Variants in KLHL1 observed in about 807,000 individuals in gnomAD.
The protein encoded by KLHL1 is kelch like family member 1.
Under a neutral mutation model 77.7 loss-of-function variants are expected in KLHL1, and 47 were observed. That is an observed-to-expected ratio of 0.60 (90% confidence interval 0.48 to 0.77). KLHL1 has a LOEUF of 0.77. Among genes scored for constraint, KLHL1 ranks in the 30% least tolerant of loss-of-function variants. The probability of loss-of-function intolerance (pLI) is 0.00; values close to 1 mark genes in which losing one functional copy is unlikely to be tolerated. For synonymous variants in KLHL1, 360 were observed against 325.2 expected (o/e 1.11, Z -1.15); for missense variants, 925 against 910.8 (o/e 1.02, Z -0.20).
At chr13:69,830,546 A>C (rs1393036571) in intron 6 of KLHL1, among the ~76,000 whole-genome samples, 2 of 150,248 alleles carry the variant, frequency 1.3e-5, no homozygotes, top group African/African-American at 5.0e-5. Flanking sequence ...TCATCAAGAC[A>C]GAAAGTCAAC....
chr13:70,100,916 C>T (rs141470670), intron 1 of KLHL1, among the ~76,000 whole-genome samples: 2 of 152,172 alleles, frequency 1.3e-5, no homozygotes, highest in East Asian at 1.9e-4. Flanking sequence ...AAATGCTGCC[C>T]GTTTTTATGC....
At position 69,801,062 on chromosome 13, in the gene KLHL1, A is replaced by G. The variant is rs1399717092; in HGVS notation, c.1415-4100T>C. On this transcript the variant is annotated intron_variant, in intron 6 of 10. Coordinates refer to ENST00000377844, the MANE Select transcript of KLHL1 (RefSeq NM_020866.3). ...AATATACATTATTCGGGTGATGACTACCTAAAGCCCTCGATGGACCACAAT... is the reference window on the plus strand; with the variant it reads ...AATATACATTATTCGGGTGATGACTGCCTAAAGCCCTCGATGGACCACAAT... 3.3e-5 allele frequency among the ~76,000 whole-genome samples: 5 copies of G among 152,320 alleles called. No individual in the cohort carries two copies. In the East Asian group the frequency reaches 9.6e-4, roughly 29 times the overall value.
chr13:69,940,090 C>G lies in KLHL1; in HGVS notation c.964G>C (p.Asp322His). 6.2e-7 allele frequency: 1 copy of G among 1,612,662 alleles called. No individual in the cohort carries two copies. Among genetic ancestry groups the G allele is most frequent in the Non-Finnish European group, 8.5e-7 (1 of 1,179,386 alleles). ...SNCLGIRAFA[D>H]AQGCIELMKV... ...ATTAACTCAATGCATCCTTGAGCAT[C>G]TGCGAAGGCTCGAATTCCTAAACAG... is the stretch of plus-strand genomic sequence containing the variant. Residue 322 changes from aspartate to histidine, a missense_variant, in exon 4 of 11, where the codon GAT becomes CAT. Coordinates refer to ENST00000377844, the MANE Select transcript of KLHL1 (RefSeq NM_020866.3).
rs867784048 is a variant in KLHL1 at position 69,783,849 on chromosome 13, G to A, written c.1639+12889C>T. 4.7e-3 allele frequency among the ~76,000 whole-genome samples: 715 copies of A among 151,402 alleles called. 3 individuals are homozygous for A. Among genetic ancestry groups the A allele is most frequent in the African/African-American group, 0.016 (674 of 41,168 alleles). On this transcript the variant is annotated intron_variant, in intron 7 of 10. Coordinates refer to ENST00000377844, the MANE Select transcript of KLHL1 (RefSeq NM_020866.3). ...AGAGAATGCCACAAAGATACTCCTC[G>A]AGAAGAGCAACTCCAAGACACATAA... is the stretch of plus-strand genomic sequence containing the variant.
chr13:69,845,322 T>G (rs1879417021), intron 5 of KLHL1, among the ~76,000 whole-genome samples: 1 of 151,682 alleles, frequency 6.6e-6, no homozygotes, highest in Non-Finnish European at 1.5e-5. Context: ...TGAACACATT[T>G]CACCAATAAT....
chr13:69,982,053 AAAGTT>A (rs1182631366), intron 1 of KLHL1, among the ~76,000 whole-genome samples: 1 of 152,152 alleles, frequency 6.6e-6, no homozygotes, highest in Non-Finnish European at 1.5e-5. Context: ...CTTTGCAATG[AAAGTT>A]AAGTTGTTAT....
At chr13:69,976,166 A>T (rs1219398644) in intron 1 of KLHL1, among the ~76,000 whole-genome samples, 3 of 152,030 alleles carry the variant, frequency 2.0e-5, no homozygotes, top group Admixed American at 1.3e-4. Flanking sequence ...TTCATTTGAT[A>T]TTGAGGAAGA....
At chr13:70,034,402 A>G (rs552950693) in intron 1 of KLHL1, among the ~76,000 whole-genome samples, 91 of 152,290 alleles carry the variant, frequency 6.0e-4, no homozygotes, top group Non-Finnish European at 7.4e-4. Context: ...GAAGGATATG[A>G]ACCTGGGATC....
intron 1 of KLHL1, among the ~76,000 whole-genome samples, chr13:69,998,166 A>C (rs1885203579): frequency 6.6e-6 from 1 of 152,114 alleles, no homozygotes; most frequent in African/African-American, 2.4e-5. Flanking sequence ...CTGGTCTACC[A>C]CTTTTGCCTC....
intron 4 of KLHL1, among the ~76,000 whole-genome samples, chr13:69,889,633 G>C (rs772566600): frequency 1.3e-5 from 2 of 151,904 alleles, no homozygotes; most frequent in Admixed American, 6.6e-5. Context: ...TTTCTGGGTC[G>C]CACAATATGG....
At chr13:69,861,783 A>AC in intron 5 of KLHL1, among the ~76,000 whole-genome samples, 1 of 122,204 alleles carries the variant, frequency 8.2e-6, no homozygotes, top group Non-Finnish European at 1.7e-5. Context: ...CCCCGTCTCT[A>AC]CTAAAAAAAA....
chr13:69,975,769 T>C lies in KLHL1; in HGVS notation c.531A>G (p.Gln177=), dbSNP rs1166926918. The change falls in exon 2 of 11, where the codon CAA becomes CAG. Residue 177 remains glutamine, a synonymous_variant. Transcript: ENST00000377844. ...LSSTGHSMTP[Q]SDLDSSSSEE... ...CAGAGCTACTGGAGTCCAAATCACT[T>C]TGAGGTGTCATTGAATGGCCGGTTG... 1 of 1,611,114 alleles carries C rather than the reference T, an allele frequency of 6.2e-7. No homozygotes were observed. Among genetic ancestry groups the C allele is most frequent in the South Asian group, 1.1e-5 (1 of 90,718 alleles).
At chr13:70,011,696 C>T (rs1885536950) in intron 1 of KLHL1, among the ~76,000 whole-genome samples, 1 of 152,150 alleles carries the variant, frequency 6.6e-6, no homozygotes, top group Non-Finnish European at 1.5e-5. Context: ...GGTGATGTTG[C>T]TACAATATTT....
At chr13:69,918,791 A>G in intron 4 of KLHL1, among the ~76,000 whole-genome samples, 1 of 152,138 alleles carries the variant, frequency 6.6e-6, no homozygotes, top group East Asian at 1.9e-4. Flanking sequence ...AATGGCCTAC[A>G]ACAATTATTC....
At chr13:70,040,863 A>G (rs761438019) in intron 1 of KLHL1, among the ~76,000 whole-genome samples, 6 of 152,148 alleles carry the variant, frequency 3.9e-5, no homozygotes, top group Non-Finnish European at 8.8e-5. Context: ...CCCCAAAGGC[A>G]CAAATATTTG....
At chr13:69,789,443 C>A (rs1876753493) in intron 7 of KLHL1, among the ~76,000 whole-genome samples, 1 of 151,836 alleles carries the variant, frequency 6.6e-6, no homozygotes, top group Admixed American at 6.6e-5. Flanking sequence ...AGATTAAATC[C>A]AAAGTTTTCC....
intron 1 of KLHL1, among the ~76,000 whole-genome samples, chr13:70,022,614 A>G (rs1343605407): frequency 6.6e-6 from 1 of 151,966 alleles, no homozygotes; most frequent in East Asian, 1.9e-4. Flanking sequence ...TACTATTTAC[A>G]TGATTTTATA....
chr13:69,963,288 A>G (rs1376913793), intron 2 of KLHL1, among the ~76,000 whole-genome samples: 1 of 152,080 alleles, frequency 6.6e-6, no homozygotes, highest in Non-Finnish European at 1.5e-5. Flanking sequence ...AATTGTACCA[A>G]TTTATATTTG....
chr13:69,871,350 T>C (rs1880577604), intron 5 of KLHL1, among the ~76,000 whole-genome samples: 1 of 152,182 alleles, frequency 6.6e-6, no homozygotes, highest in Admixed American at 6.5e-5. Context: ...TGGAAGGGGC[T>C]GCCTCCAGAC....
Sources: allele counts gnomAD v4.1 joint callset (sites outside exome capture counted in the v4.1 genomes callset), GRCh38; gene constraint gnomAD v4.1.1; transcripts MANE v1.5; gene names NCBI Gene and HGNC (gene_info 2026-07-23, HGNC 2026-07-21).